Variants in SRRM3 observed in about 807,000 individuals in gnomAD.
SRRM3 encodes serine/arginine repetitive matrix 3, also known as serine/arginine repetitive matrix protein 3.
Under a neutral mutation model 66.2 loss-of-function variants are expected in SRRM3, and 27 were observed. The observed-to-expected ratio is 0.41, with a 90% CI of 0.30 to 0.56. The LOEUF (loss-of-function observed/expected upper bound fraction) is 0.56, where lower values mean the gene tolerates loss of function less well. Among genes scored for constraint, SRRM3 ranks in the 20% least tolerant of loss-of-function variants. The pLI, the probability that SRRM3 is intolerant of heterozygous loss-of-function variation, is 0.32. For synonymous variants in SRRM3, 391 were observed against 414.9 expected (o/e 0.94, Z 0.70); for missense variants, 918 against 991.9 (o/e 0.93, Z 1.00).
intron 1 of SRRM3, among the ~76,000 whole-genome samples, chr7:76,217,600 T>A (rs1554602722): frequency 6.6e-6 from 1 of 152,186 alleles, no homozygotes; most frequent in East Asian, 1.9e-4. Flanking sequence ...ATGCAGGTTT[T>A]ACGTCCAGCA....
intron 12 of SRRM3, among the ~76,000 whole-genome samples, chr7:76,282,204 T>C (rs1583946479): frequency 1.5e-5 from 2 of 137,668 alleles, no homozygotes; most frequent in South Asian, 2.4e-4. Flanking sequence ...CTCCAGGGAG[T>C]TTCCCTCCCC....
At chr7:76,222,611 T>A (rs1377797151) in intron 1 of SRRM3, among the ~76,000 whole-genome samples, 1 of 151,656 alleles carries the variant, frequency 6.6e-6, no homozygotes, top group African/African-American at 2.4e-5. Flanking sequence ...CCATGTTTTG[T>A]TTTGTTTTTT....
intron 1 of SRRM3, among the ~76,000 whole-genome samples, chr7:76,217,005 T>C (rs1308728404): frequency 1.3e-5 from 2 of 152,188 alleles, no homozygotes; most frequent in African/African-American, 4.8e-5. Flanking sequence ...TGAGATTGTA[T>C]GGGCAGTGGA....
At chr7:76,280,296 ATT>A in intron 11 of SRRM3, among the ~76,000 whole-genome samples, 1 of 151,964 alleles carries the variant, frequency 6.6e-6, no homozygotes, top group East Asian at 1.9e-4. Flanking sequence ...ACATTTGTGG[ATT>A]TTGTTTTTTT....
chr7:76,267,248 C>T lies in SRRM3; in HGVS notation c.831-10C>T. ...CCGACTCCCCCATTCTTCCTGGCGC[C>T]TAACCCCAGGCTGAGCCCCAAGCAC... On this transcript the variant is annotated splice_polypyrimidine_tract_variant and intron_variant, in intron 10 of 14. Transcript: ENST00000611745. 2 of 1,530,080 alleles carry T rather than the reference C, an allele frequency of 1.3e-6. No homozygotes were observed. Among genetic ancestry groups the T allele is most frequent in the Non-Finnish European group, 1.7e-6 (2 of 1,145,708 alleles). 94.8% of individuals were successfully genotyped at this position (1,530,080 alleles called of 1,614,324 possible).
intron 1 of SRRM3, among the ~76,000 whole-genome samples, chr7:76,220,077 A>G (rs782765589): frequency 1.3e-5 from 2 of 152,176 alleles, no homozygotes; most frequent in Non-Finnish European, 2.9e-5. Context: ...TGGTAAAACA[A>G]TAAGTAGTGA....
At chr7:76,255,954 C>T (rs1046089637) in intron 3 of SRRM3, among the ~76,000 whole-genome samples, 5 of 152,134 alleles carry the variant, frequency 3.3e-5, no homozygotes, top group African/African-American at 9.7e-5. Flanking sequence ...TACCCCTCCC[C>T]GGATGACAGT....
chr7:76,270,868 G>T (rs1802192156), intron 11 of SRRM3, among the ~76,000 whole-genome samples: 1 of 151,846 alleles, frequency 6.6e-6, no homozygotes, highest in Admixed American at 6.6e-5. Context: ...CCAGCTACTT[G>T]GGAGGCTGAG....
chr7:76,284,053 A>G (rs1162726879), intron 14 of SRRM3, among the ~76,000 whole-genome samples: 1 of 152,146 alleles, frequency 6.6e-6, no homozygotes, highest in Non-Finnish European at 1.5e-5. Flanking sequence ...GGGTATGATT[A>G]TCAAACTAGT....
intron 1 of SRRM3, among the ~76,000 whole-genome samples, chr7:76,213,655 TTC>T (rs782472602): frequency 6.6e-6 from 1 of 152,130 alleles, no homozygotes; most frequent in South Asian, 2.1e-4. Flanking sequence ...AGGATGGGAA[TTC>T]TCTCTCAGGG....
At chr7:76,242,894 C>T (rs1801346143) in intron 2 of SRRM3, among the ~76,000 whole-genome samples, 1 of 152,156 alleles carries the variant, frequency 6.6e-6, no homozygotes, top group Non-Finnish European at 1.5e-5. Context: ...AGCTTTGCCC[C>T]CTTGCCTGCT....
At position 76,282,883 on chromosome 7, in the gene SRRM3, G is replaced by C. The variant is rs1281406802; in HGVS notation, c.1595+11G>C. On this transcript the variant is annotated intron_variant, in intron 13 of 14. Transcript: ENST00000611745. ...GAAGCCCCTCAGCCGGTGAGTGCCC[G>C]CCCGGACCGGGCCGACGGGGCGGGC... 6 of 1,357,754 alleles carry C rather than the reference G, an allele frequency of 4.4e-6. No individual in the cohort carries two copies. The highest frequency in any genetic ancestry group is 5.7e-6 in the Non-Finnish European group (6 of 1,061,140). The allele number at this position is 1,357,754 out of a possible 1,614,324, so 84.1% of individuals were successfully genotyped here. A position where few individuals can be genotyped will look rare whatever the true frequency, so the allele number is the denominator to read the frequency against.
chr7:76,218,473 C>T (rs1193921831), intron 1 of SRRM3, among the ~76,000 whole-genome samples: 1 of 152,000 alleles, frequency 6.6e-6, no homozygotes, highest in Non-Finnish European at 1.5e-5. Flanking sequence ...AAGCTGTCTG[C>T]TCTTGGTGGC....
At chr7:76,264,671 T>C in intron 8 of SRRM3, 94 bp from the exon 9 acceptor site, 1 of 1,345,156 alleles carries the variant, frequency 7.4e-7, no homozygotes. Context: ...GTGGAACAAA[T>C]CTCAGATCCA....
chr7:76,239,122 T>C (rs78797983), intron 2 of SRRM3, among the ~76,000 whole-genome samples: 11,606 of 151,730 alleles, frequency 0.076, 1,059 homozygotes, highest in African/African-American at 0.21. Context: ...AACCTCCACC[T>C]CCCAGGTTCA....
chr7:76,283,148 G>T, intron 14 of SRRM3, 47 bp downstream of exon 14: 1 of 1,359,890 alleles, frequency 7.4e-7, no homozygotes, highest in South Asian at 2.0e-5. Context: ...TGGGGCCGCT[G>T]ACCCGGATCA....
At chr7:76,280,740 A>C in intron 11 of SRRM3, among the ~76,000 whole-genome samples, 1 of 149,642 alleles carries the variant, frequency 6.7e-6, no homozygotes, top group Admixed American at 6.6e-5. Flanking sequence ...GGCCCGGTGA[A>C]AGCCCTCTCT....
At chr7:76,217,187 A>G (rs1417513590) in intron 1 of SRRM3, among the ~76,000 whole-genome samples, 1 of 152,234 alleles carries the variant, frequency 6.6e-6, no homozygotes. Flanking sequence ...CCAGGGACTC[A>G]GAGCCCAGCT....
chr7:76,204,270 C>T (rs527353631), intron 1 of SRRM3, among the ~76,000 whole-genome samples: 1 of 152,276 alleles, frequency 6.6e-6, no homozygotes, highest in East Asian at 1.9e-4. Context: ...CTCTTCCTGT[C>T]TCAGAAGCCT....
Sources: allele counts gnomAD v4.1 joint callset (sites outside exome capture counted in the v4.1 genomes callset), GRCh38; gene constraint gnomAD v4.1.1; transcripts MANE v1.5; gene names NCBI Gene and HGNC (gene_info 2026-07-23, HGNC 2026-07-21).